Variants in ZSWIM6 observed in about 807,000 individuals in gnomAD.
The protein encoded by ZSWIM6 is zinc finger SWIM-type containing 6.
A neutral mutation model predicts 113.2 loss-of-function variants in ZSWIM6; 9 were observed. That is an observed-to-expected ratio of 0.08 (90% CI 0.05 to 0.14). ZSWIM6 has a LOEUF of 0.14. Ranked by LOEUF, ZSWIM6 falls within the 10% of genes least tolerant of loss-of-function variation. The probability of loss-of-function intolerance (pLI) is 1.00; values close to 1 mark genes in which losing one functional copy is unlikely to be tolerated. For synonymous variants in ZSWIM6, 611 were observed against 606.5 expected (o/e 1.01, Z -0.11); for missense variants, 1,162 against 1,552.2 (o/e 0.75, Z 4.22).
In ZSWIM6 at chr5:61,475,285, C is replaced by G. The variant is rs114484525; in HGVS notation, c.1033+2248C>G. 6.7e-3 allele frequency among the ~76,000 whole-genome samples: 1,014 copies of G among 152,296 alleles called. 4 individuals are homozygous for G. The highest frequency in any genetic ancestry group is 0.021 in the South Asian group (100 of 4,824). On this transcript the variant is annotated intron_variant, in intron 2 of 13. Transcript: ENST00000252744. ...TTTTAGTAAAACCGAAAGCCTCCAT[C>G]AGTAATCAGTTGCTTGTTCTGCATT...
intron 3 of ZSWIM6, among the ~76,000 whole-genome samples, chr5:61,493,744 T>C (rs1327985019): frequency 1.3e-5 from 2 of 152,204 alleles, no homozygotes; most frequent in Non-Finnish European, 2.9e-5. Context: ...TAGGTTCAGA[T>C]ACCTGTTCCC....
At chr5:61,428,830 T>C (rs1182884944) in intron 1 of ZSWIM6, among the ~76,000 whole-genome samples, 1 of 152,238 alleles carries the variant, frequency 6.6e-6, no homozygotes, top group Non-Finnish European at 1.5e-5. Context: ...TCTTTCTTTC[T>C]GATCTGCTTT....
At chr5:61,541,770 C>A in intron 12 of ZSWIM6, 114 bp from the exon 13 acceptor site, 1 of 815,316 alleles carries the variant, frequency 1.2e-6, no homozygotes, top group South Asian at 2.0e-5. Context: ...ATGCTTTCAT[C>A]TTCCTGGTGG....
At chr5:61,451,169 G>A (rs534958148) in intron 1 of ZSWIM6, among the ~76,000 whole-genome samples, 57 of 152,244 alleles carry the variant, frequency 3.7e-4, no homozygotes, top group African/African-American at 1.4e-3. Context: ...TTCAGCTGGG[G>A]GAACTTGAGC....
chr5:61,488,306 T>C (rs1748077945), intron 2 of ZSWIM6, among the ~76,000 whole-genome samples: 1 of 152,082 alleles, frequency 6.6e-6, no homozygotes, highest in Non-Finnish European at 1.5e-5. Context: ...TCAGGGATAT[T>C]GGTCTCTAGT....
chr5:61,521,187 TA>T lies in ZSWIM6; in HGVS notation c.1334-73del, dbSNP rs1250179229. On this transcript the variant is annotated intron_variant, in intron 4 of 13. Coordinates refer to ENST00000252744, the MANE Select transcript of ZSWIM6 (RefSeq NM_020928.2). ...TTACATTTTTAAATTTTAATAAATT[TA>T]AACAATTTAACTTGATAAAATTGGA... The T allele has an allele frequency of 9.8e-6, 9 of 920,518 alleles. No homozygotes were observed. The East Asian group carries it at 3.3e-4, about 33-fold the overall frequency. The allele number at this position is 920,518 out of a possible 1,614,324, so 57.0% of individuals were successfully genotyped here.
rs1014060696 is a variant in ZSWIM6, at chr5:61,496,736, C to T, written c.1333+2326C>T. Among the ~76,000 whole-genome samples the T allele has an allele frequency of 3.9e-5, 6 of 152,260 alleles. No individual in the cohort carries two copies. In the East Asian group the frequency reaches 1.2e-3, roughly 29 times the overall value. On this transcript the variant is annotated intron_variant, in intron 4 of 13. Transcript: ENST00000252744. ...CCACTGTGAGACAATAGTGTTCCCA[C>T]TCCAACACCGCGCCATTACAGATCA...
At chr5:61,527,393 CATACTAGA>C (rs1749316970) in intron 7 of ZSWIM6, among the ~76,000 whole-genome samples, 1 of 152,080 alleles carries the variant, frequency 6.6e-6, no homozygotes, top group African/African-American at 2.4e-5. Flanking sequence ...TGATTATACA[CATACTAGA>C]GTATAACTAA....
chr5:61,392,863 C>T (rs957665934), intron 1 of ZSWIM6, among the ~76,000 whole-genome samples: 21 of 152,136 alleles, frequency 1.4e-4, no homozygotes, highest in African/African-American at 4.1e-4. Flanking sequence ...CTGCCCACCT[C>T]GGCCTCCTAA....
At chr5:61,483,746 G>A (rs550018016) in intron 2 of ZSWIM6, among the ~76,000 whole-genome samples, 16 of 150,994 alleles carry the variant, frequency 1.1e-4, no homozygotes, top group African/African-American at 2.4e-4. Flanking sequence ...GCGTGGTGGC[G>A]GCTGCCTGTA....
At chr5:61,510,216 G>A (rs1221472177) in intron 4 of ZSWIM6, among the ~76,000 whole-genome samples, 1 of 151,748 alleles carries the variant, frequency 6.6e-6, no homozygotes, top group Non-Finnish European at 1.5e-5. Context: ...TGTGTGAGGT[G>A]GGGCAAAATG....
chr5:61,352,457 T>G (rs1744811285), intron 1 of ZSWIM6, among the ~76,000 whole-genome samples: 1 of 152,232 alleles, frequency 6.6e-6, no homozygotes, highest in Non-Finnish European at 1.5e-5. Context: ...AAGTGGTGTT[T>G]TACTTTGGGA....
intron 1 of ZSWIM6, among the ~76,000 whole-genome samples, chr5:61,386,310 T>C (rs570118504): frequency 1.3e-4 from 20 of 152,242 alleles, no homozygotes; most frequent in Non-Finnish European, 2.1e-4. Context: ...GCTTTGTACC[T>C]TGTTAGTTTT....
At chr5:61,522,676 G>GT (rs1344618267) in intron 5 of ZSWIM6, among the ~76,000 whole-genome samples, 1 of 152,152 alleles carries the variant, frequency 6.6e-6, no homozygotes, top group Admixed American at 6.5e-5. Flanking sequence ...CATGATGATT[G>GT]TATTTAATAA....
intron 4 of ZSWIM6, among the ~76,000 whole-genome samples, chr5:61,507,226 G>T (rs1479652808): frequency 6.6e-6 from 1 of 152,150 alleles, no homozygotes; most frequent in Non-Finnish European, 1.5e-5. Context: ...TATAGAAAGT[G>T]CATAGCTTTT....
intron 1 of ZSWIM6, among the ~76,000 whole-genome samples, chr5:61,357,896 G>A (rs1744952417): frequency 6.6e-6 from 1 of 152,104 alleles, no homozygotes; most frequent in African/African-American, 2.4e-5. Flanking sequence ...GTTTACTCCA[G>A]GACCTGTTTT....
At chr5:61,348,343 A>G (rs1744710036) in intron 1 of ZSWIM6, among the ~76,000 whole-genome samples, 1 of 152,210 alleles carries the variant, frequency 6.6e-6, no homozygotes, top group South Asian at 2.1e-4. Context: ...TGAAAAACCA[A>G]AAAATTCATG....
chr5:61,427,464 G>A (rs1185059957), intron 1 of ZSWIM6, among the ~76,000 whole-genome samples: 1 of 151,966 alleles, frequency 6.6e-6, no homozygotes, highest in East Asian at 1.9e-4. Flanking sequence ...GAACTTCATT[G>A]AACTTTTCTC....
At chr5:61,382,809 TA>T (rs572591924) in intron 1 of ZSWIM6, among the ~76,000 whole-genome samples, 304 of 128,382 alleles carry the variant, frequency 2.4e-3, no homozygotes, top group African/African-American at 7.6e-3. Flanking sequence ...TGTCTAAAAA[TA>T]AAAAAAAAAG....
Sources: allele counts gnomAD v4.1 joint callset (sites outside exome capture counted in the v4.1 genomes callset), GRCh38; gene constraint gnomAD v4.1.1; transcripts MANE v1.5; gene names NCBI Gene and HGNC (gene_info 2026-07-23, HGNC 2026-07-21).